Variants in PRLR observed in about 807,000 individuals in gnomAD.
PRLR encodes prolactin receptor.
A neutral mutation model predicts 40.2 loss-of-function variants in PRLR; 13 were observed. The observed-to-expected ratio is 0.32, with a 90% confidence interval of 0.21 to 0.51. The LOEUF (loss-of-function observed/expected upper bound fraction) is 0.51, where lower values mean the gene tolerates loss of function less well. Ranked by LOEUF, PRLR falls within the 20% of genes least tolerant of loss-of-function variation. PRLR has a pLI of 0.97. For missense variants in PRLR, 656 were observed against 747.3 expected (o/e 0.88, Z 1.42); for synonymous variants, 269 against 278.7 (o/e 0.97, Z 0.35).
rs1769261171 is a variant in PRLR, at chr5:35,064,974, G to C, written c.*115C>G. ...AAGTGGTTAAAAATGGAGCATGAAA[G>C]GAGCTGGGAGCTTTAGTAGTGTCAG... On this transcript the variant is annotated 3_prime_UTR_variant, in exon 10 of 10. Transcript: ENST00000618457. 2.4e-5 allele frequency: 28 copies of C among 1,177,312 alleles called. No individual in the cohort carries two copies. In the South Asian group the frequency reaches 4.5e-4, roughly 19 times the overall value. 72.9% of individuals were successfully genotyped at this position (1,177,312 alleles called of 1,614,324 possible).
At chr5:35,140,154 A>G (rs1773975996) in intron 1 of PRLR, among the ~76,000 whole-genome samples, 1 of 152,192 alleles carries the variant, frequency 6.6e-6, no homozygotes, top group Non-Finnish European at 1.5e-5. Flanking sequence ...ATGCGCTATT[A>G]TGTTCATTAT....
chr5:35,077,329 C>A (rs972765767), intron 5 of PRLR, among the ~76,000 whole-genome samples: 28 of 151,750 alleles, frequency 1.8e-4, no homozygotes, highest in African/African-American at 6.8e-4. Flanking sequence ...CACATAGGCT[C>A]AAAATAAAGG....
chr5:35,173,464 C>T (rs982293424), intron 1 of PRLR, among the ~76,000 whole-genome samples: 1 of 152,102 alleles, frequency 6.6e-6, no homozygotes, highest in Non-Finnish European at 1.5e-5. Flanking sequence ...TCTTCAGGAC[C>T]CCGCACAGCT....
chr5:35,065,849 T>A lies in PRLR; in HGVS notation c.1109A>T (p.Asn370Ile). The A allele has an allele frequency of 6.2e-7, 1 of 1,614,114 alleles. No individual in the cohort carries two copies. The highest frequency in any genetic ancestry group is 8.5e-7 in the Non-Finnish European group (1 of 1,180,000). ...LSEKCEEPQA[N>I]PSTFYDPEVI... ...CTCAGGATCATAGAATGTGGAGGGA[T>A]TGGCCTGGGGTTCCTCACACTTTTC... The change falls in exon 10 of 10, where the codon AAT becomes ATT. Residue 370 changes from asparagine to isoleucine, a missense_variant. Physicochemically the swap from Asn to Ile is moderately radical, Grantham distance 149. This residue lies in a region of PRLR where 469 missense variants were observed against 491.5 expected (regional missense o/e 0.95). Transcript: ENST00000618457.
At chr5:35,217,511 T>C (rs1223421394) in intron 1 of PRLR, among the ~76,000 whole-genome samples, 2 of 152,218 alleles carry the variant, frequency 1.3e-5, no homozygotes, top group Non-Finnish European at 2.9e-5. Context: ...TCACTGCTAC[T>C]ACTACTGGGG....
chr5:35,163,793 G>C (rs2111915407), intron 1 of PRLR, among the ~76,000 whole-genome samples: 1 of 152,192 alleles, frequency 6.6e-6, no homozygotes, highest in South Asian at 2.1e-4. Context: ...AACTTTCTCT[G>C]GCCCTAGCAT....
At chr5:35,117,702 T>C (rs986318152) in intron 2 of PRLR, among the ~76,000 whole-genome samples, 8 of 152,184 alleles carry the variant, frequency 5.3e-5, no homozygotes, top group African/African-American at 1.9e-4. Flanking sequence ...GCAAGCACAA[T>C]ATTTCTCTCT....
intron 1 of PRLR, among the ~76,000 whole-genome samples, chr5:35,221,693 T>C (rs1371163043): frequency 2.0e-5 from 3 of 152,184 alleles, no homozygotes; most frequent in Non-Finnish European, 2.9e-5. Context: ...AGTGAGTCTA[T>C]AGTTGTTTCT....
In PRLR at chr5:35,061,754, G is replaced by T. The variant is rs991529243; in HGVS notation, c.*3335C>A. 3 of 151,968 alleles carry T rather than the reference G, an allele frequency of 2.0e-5. No individual in the cohort carries two copies. Among genetic ancestry groups the T allele is most frequent in the Non-Finnish European group, 4.4e-5 (3 of 68,006 alleles). The allele number at this position is 151,968 out of a possible 1,614,324, so 9.4% of individuals were successfully genotyped here. ...TGCGCCTTAAAACTTGAATATTTAG[G>T]TATTTGTTTATAAAAATACAACTTA... On this transcript the variant is annotated 3_prime_UTR_variant, in exon 10 of 10. Transcript: ENST00000618457.
chr5:35,079,763 C>T (rs539458860), intron 5 of PRLR, among the ~76,000 whole-genome samples: 81 of 152,280 alleles, frequency 5.3e-4, no homozygotes, highest in African/African-American at 1.4e-3. Context: ...AAGCTGGAGG[C>T]GTCACACTAC....
At chr5:35,112,866 C>T (rs1483220559) in intron 2 of PRLR, among the ~76,000 whole-genome samples, 1 of 152,168 alleles carries the variant, frequency 6.6e-6, no homozygotes, top group African/African-American at 2.4e-5. Context: ...CCTCAGGAGC[C>T]CTTTCTTTGC....
At chr5:35,193,274 G>A (rs1222304620) in intron 1 of PRLR, among the ~76,000 whole-genome samples, 1 of 152,128 alleles carries the variant, frequency 6.6e-6, no homozygotes, top group Non-Finnish European at 1.5e-5. Context: ...AATAGCCTTT[G>A]AGCAAAGCAG....
intron 2 of PRLR, among the ~76,000 whole-genome samples, chr5:35,108,892 A>AC (rs1356757583): frequency 6.6e-6 from 1 of 152,212 alleles, no homozygotes; most frequent in Non-Finnish European, 1.5e-5. Flanking sequence ...AACCAAAAAA[A>AC]GATCCCACAT....
intron 1 of PRLR, among the ~76,000 whole-genome samples, chr5:35,207,630 G>A (rs966250843): frequency 1.8e-4 from 28 of 151,922 alleles, no homozygotes; most frequent in Non-Finnish European, 3.2e-4. Flanking sequence ...GTGTGTGTGT[G>A]TGTGTGTGTG....
intron 1 of PRLR, among the ~76,000 whole-genome samples, chr5:35,225,874 G>A (rs1270182406): frequency 1.3e-5 from 2 of 152,144 alleles, no homozygotes; most frequent in African/African-American, 4.8e-5. Flanking sequence ...TAGAGACGGG[G>A]TTTCACCGTG....
At chr5:35,131,946 C>T (rs888757523) in intron 1 of PRLR, among the ~76,000 whole-genome samples, 2 of 152,148 alleles carry the variant, frequency 1.3e-5, no homozygotes, top group African/African-American at 4.8e-5. Context: ...ACAGGACAGA[C>T]ACAGAAACCC....
intron 1 of PRLR, among the ~76,000 whole-genome samples, chr5:35,183,669 C>T (rs1775351057): frequency 6.6e-6 from 1 of 152,186 alleles, no homozygotes; most frequent in Non-Finnish European, 1.5e-5. Context: ...CTTCAGTTCA[C>T]ACTGGGAGAA....
At chr5:35,140,389 A>G (rs2111818950) in intron 1 of PRLR, among the ~76,000 whole-genome samples, 1 of 152,368 alleles carries the variant, frequency 6.6e-6, no homozygotes, top group East Asian at 1.9e-4. Context: ...TGTATTGGCC[A>G]GGTTTATAAT....
chr5:35,156,356 C>T (rs1196804455), intron 1 of PRLR, among the ~76,000 whole-genome samples: 1 of 152,034 alleles, frequency 6.6e-6, no homozygotes, highest in Non-Finnish European at 1.5e-5. Context: ...GTCTCTCCAC[C>T]TCTCTCCTTG....
Sources: gnomAD v4.1 joint callset for allele counts (sites outside exome capture counted in the v4.1 genomes callset) on GRCh38, gnomAD v4.1.1 for gene constraint, gnomAD v4.1.1 regional missense constraint, MANE v1.5 for transcripts, NCBI Gene and HGNC (gene_info 2026-07-23, HGNC 2026-07-21) for gene names.